Variants in KCNJ16 observed in about 807,000 individuals in gnomAD.
The protein encoded by KCNJ16 is potassium inwardly rectifying channel subfamily J member 16, also known as inward rectifier potassium channel 16.
In KCNJ16, 15 loss-of-function variants were observed where a neutral mutation model predicts 18.5. The observed-to-expected ratio is 0.81, with a 90% confidence interval of 0.54 to 1.25. KCNJ16 has a LOEUF of 1.25. Ranked by LOEUF, KCNJ16 falls within the 50% of genes most tolerant of loss-of-function variation. KCNJ16 has a pLI of 0.00. For missense variants in KCNJ16, 523 were observed against 525.7 expected (o/e 0.99, Z 0.05); for synonymous variants, 174 against 186.5 (o/e 0.93, Z 0.55).
chr17:70,088,299 A>G (rs1319464882), intron 1 of KCNJ16, among the ~76,000 whole-genome samples: 4 of 152,148 alleles, frequency 2.6e-5, no homozygotes, highest in Non-Finnish European at 5.9e-5. Context: ...GGAGCGCACA[A>G]CCTAGATCCC....
intron 2 of KCNJ16, among the ~76,000 whole-genome samples, chr17:70,119,932 G>C (rs1486513313): frequency 6.6e-6 from 1 of 152,172 alleles, no homozygotes; most frequent in African/African-American, 2.4e-5. Context: ...CATGTGGCCA[G>C]GCTGCAAATT....
chr17:70,081,321 T>C (rs932915784), intron 1 of KCNJ16, among the ~76,000 whole-genome samples: 1 of 152,194 alleles, frequency 6.6e-6, no homozygotes, highest in South Asian at 2.1e-4. Context: ...TTTATGGGAA[T>C]AGGAGGTGGT....
At chr17:70,075,693 T>A (rs964659055) in intron 1 of KCNJ16, among the ~76,000 whole-genome samples, 1 of 152,186 alleles carries the variant, frequency 6.6e-6, no homozygotes, top group African/African-American at 2.4e-5. Flanking sequence ...AGTGGCTTTA[T>A]TATATTCATA....
intron 1 of KCNJ16, among the ~76,000 whole-genome samples, chr17:70,095,948 T>G (rs192899933): frequency 2.1e-5 from 3 of 142,926 alleles, no homozygotes; most frequent in African/African-American, 5.1e-5. Context: ...AGTGGCACTA[T>G]CTCGGCTCAC....
intron 1 of KCNJ16, among the ~76,000 whole-genome samples, chr17:70,076,104 T>C (rs1361701985): frequency 1.3e-5 from 2 of 152,196 alleles, no homozygotes; most frequent in African/African-American, 2.4e-5. Context: ...TTTTCCTTGT[T>C]GGTATATTTA....
chr17:70,075,569 G>C (rs1304397470), intron 1 of KCNJ16, among the ~76,000 whole-genome samples, 179 bp downstream of exon 1: 3 of 152,152 alleles, frequency 2.0e-5, no homozygotes, highest in African/African-American at 2.4e-5. Flanking sequence ...GAATCAAACA[G>C]TGTGTCATAT....
chr17:70,120,239 T>C (rs2073577484), intron 2 of KCNJ16, among the ~76,000 whole-genome samples: 1 of 152,212 alleles, frequency 6.6e-6, no homozygotes, highest in Non-Finnish European at 1.5e-5. Flanking sequence ...CTTCATTTTC[T>C]GTATCACTAT....
At chr17:70,083,173 G>C (rs1050334674) in intron 1 of KCNJ16, among the ~76,000 whole-genome samples, 1 of 149,782 alleles carries the variant, frequency 6.7e-6, no homozygotes, top group Non-Finnish European at 1.5e-5. Context: ...TCTTGCTTCA[G>C]CTTCTCAAGT....
At chr17:70,115,521 T>C (rs2073367432) in intron 2 of KCNJ16, among the ~76,000 whole-genome samples, 1 of 152,152 alleles carries the variant, frequency 6.6e-6, no homozygotes, top group South Asian at 2.1e-4. Flanking sequence ...CCAAAGTTAT[T>C]GAAAATATTA....
intron 1 of KCNJ16, among the ~76,000 whole-genome samples, chr17:70,076,229 A>G (rs991897351): frequency 6.6e-6 from 1 of 152,156 alleles, no homozygotes; most frequent in Non-Finnish European, 1.5e-5. Context: ...TATTACTCTT[A>G]TGGCTAGTAA....
chr17:70,082,490 T>C (rs1218327209), intron 1 of KCNJ16, among the ~76,000 whole-genome samples: 1 of 152,170 alleles, frequency 6.6e-6, no homozygotes, highest in Non-Finnish European at 1.5e-5. Context: ...GAGAATTTAA[T>C]TGAACATGTG....
At chr17:70,092,283 G>A (rs1437871232) in intron 1 of KCNJ16, among the ~76,000 whole-genome samples, 3 of 152,058 alleles carry the variant, frequency 2.0e-5, no homozygotes, top group African/African-American at 7.2e-5. Context: ...ATATGGATCT[G>A]TAGATACCAT....
chr17:70,124,961 T>A (rs1489153432), intron 2 of KCNJ16, among the ~76,000 whole-genome samples: 1 of 151,584 alleles, frequency 6.6e-6, no homozygotes, highest in East Asian at 1.9e-4. Context: ...CATGTAGTGA[T>A]GGTTGTAAAA....
chr17:70,133,216 G>A lies in KCNJ16; in HGVS notation c.1129G>A (p.Val377Ile), dbSNP rs2074128032. 1 of 1,614,200 alleles carries A rather than the reference G, an allele frequency of 6.2e-7. No individual in the cohort carries two copies. Among genetic ancestry groups the A allele is most frequent in the African/African-American group, 1.3e-5 (1 of 75,042 alleles). ...GGCGAGACGAAGGTCATTTAGTGCA[G>A]TTGCCATTGTCAGCAGCTGTGAAAA... ...TKARRRSFSA[V>I]AIVSSCENPE... Residue 377 changes from valine (V) to isoleucine (I), a missense_variant, in exon 4 of 4, where the codon GTT becomes ATT. By Grantham distance (29) the Val-to-Ile change is conservative. Transcript: ENST00000392671.
intron 2 of KCNJ16, among the ~76,000 whole-genome samples, chr17:70,107,403 G>T (rs760677477): frequency 2.6e-5 from 4 of 152,130 alleles, no homozygotes; most frequent in Admixed American, 6.6e-5. Context: ...AGATTCAGGG[G>T]CACCCTGAAA....
At chr17:70,102,158 A>G (rs915428357) in intron 2 of KCNJ16, 20 of 151,466 alleles carry the variant, frequency 1.3e-4, no homozygotes, top group African/African-American at 4.6e-4. Context: ...TGATTTTACA[A>G]TGAAACTACG....
At chr17:70,120,978 G>A (rs1014708973) in intron 2 of KCNJ16, among the ~76,000 whole-genome samples, 3 of 152,148 alleles carry the variant, frequency 2.0e-5, no homozygotes, top group African/African-American at 7.2e-5. Flanking sequence ...AGAAGAGAGT[G>A]GGGATGCAGA....
chr17:70,098,837 G>A (rs75794104), intron 1 of KCNJ16, among the ~76,000 whole-genome samples: 5,578 of 152,110 alleles, frequency 0.037, 91 homozygotes, highest in Middle Eastern at 0.068. Flanking sequence ...CTGGTCAAAC[G>A]GCACCTCAAT....
At chr17:70,110,250 C>T (rs2073128208) in intron 2 of KCNJ16, among the ~76,000 whole-genome samples, 1 of 152,004 alleles carries the variant, frequency 6.6e-6, no homozygotes, top group African/African-American at 2.4e-5. Flanking sequence ...TCTTCTGTAC[C>T]CCTATCCTTC....
Sources: allele counts gnomAD v4.1 joint callset (sites outside exome capture counted in the v4.1 genomes callset), GRCh38; gene constraint gnomAD v4.1.1; transcripts MANE v1.5; gene names NCBI Gene and HGNC (gene_info 2026-07-23, HGNC 2026-07-21).